The following PLS1 variants were observed in gnomAD, a reference collection of about 807,000 sequenced individuals.
PLS1 encodes the protein plastin-1.
A neutral mutation model predicts 73.7 loss-of-function variants in PLS1; 32 were observed. That is an observed-to-expected ratio of 0.43 (90% CI 0.33 to 0.58). The LOEUF (loss-of-function observed/expected upper bound fraction) is 0.58. Ranked by LOEUF, PLS1 falls within the 20% of genes least tolerant of loss-of-function variation. The pLI is 0.04. For synonymous variants in PLS1, 217 were observed against 261.3 expected (o/e 0.83, Z 1.63); for missense variants, 633 against 740.5 (o/e 0.85, Z 1.68).
chr3:142,652,244 A>G (rs931921613), intron 1 of PLS1, among the ~76,000 whole-genome samples: 3 of 152,200 alleles, frequency 2.0e-5, no homozygotes, highest in Non-Finnish European at 4.4e-5. Context: ...TATTCACCCA[A>G]TGTTGGATTT....
intron 1 of PLS1, among the ~76,000 whole-genome samples, chr3:142,653,084 T>C (rs1386324478): frequency 6.6e-6 from 1 of 152,218 alleles, no homozygotes; most frequent in African/African-American, 2.4e-5. Flanking sequence ...GTTTTTACAT[T>C]GTTATTCTGG....
chr3:142,682,109 G>A (rs573001224), intron 6 of PLS1, among the ~76,000 whole-genome samples: 3 of 152,238 alleles, frequency 2.0e-5, no homozygotes, highest in African/African-American at 4.8e-5. Flanking sequence ...TTGGAATTGT[G>A]GTTTAGGGCA....
At chr3:142,684,461 T>C in intron 8 of PLS1, 66 bp downstream of exon 8, 1 of 1,307,510 alleles carries the variant, frequency 7.6e-7, no homozygotes, top group Non-Finnish European at 1.1e-6. Flanking sequence ...ATAAAAGGGG[T>C]TCAGACTTAA....
intron 2 of PLS1, among the ~76,000 whole-genome samples, chr3:142,667,183 G>A (rs970028536): frequency 3.9e-5 from 6 of 152,186 alleles, no homozygotes; most frequent in Non-Finnish European, 2.9e-5. Context: ...TTGGGAGGCC[G>A]AGGCAGGCGG....
intron 12 of PLS1, among the ~76,000 whole-genome samples, chr3:142,702,592 G>A (rs1052731838): frequency 2.0e-5 from 3 of 152,028 alleles, no homozygotes; most frequent in African/African-American, 7.2e-5. Flanking sequence ...GTTCCTACTG[G>A]TGATATAAGA....
In PLS1 at chr3:142,677,787, T is replaced by G. The variant is rs2037753065; in HGVS notation, c.498-245T>G. Among the ~76,000 whole-genome samples, 3 of 152,180 alleles carry G rather than the reference T, an allele frequency of 2.0e-5. No individual in the cohort carries two copies. In the South Asian group the frequency reaches 6.2e-4, roughly 31 times the overall value. Reference sequence around the variant, plus strand: ...AGTTCCGGCATGAATTATAGTTTAATTAATTATTATTATTATTTTTTGAGA... The same window carrying G: ...AGTTCCGGCATGAATTATAGTTTAAGTAATTATTATTATTATTTTTTGAGA... On this transcript the variant is annotated intron_variant, in intron 5 of 15. Coordinates refer to ENST00000457734, the MANE Select transcript of PLS1 (RefSeq NM_001145319.2).
At chr3:142,682,998 C>T (rs1383524566) in intron 6 of PLS1, among the ~76,000 whole-genome samples, 4 of 152,130 alleles carry the variant, frequency 2.6e-5, no homozygotes, top group Non-Finnish European at 5.9e-5. Context: ...ATTCAAAATG[C>T]TAATTTTAAT....
chr3:142,686,687 C>T (rs976614149), intron 9 of PLS1, among the ~76,000 whole-genome samples: 1 of 152,220 alleles, frequency 6.6e-6, no homozygotes, highest in South Asian at 2.1e-4. Flanking sequence ...AAGCAGCATT[C>T]CCCAGTAGAG....
intron 1 of PLS1, among the ~76,000 whole-genome samples, chr3:142,658,737 CATTT>C (rs1056967374): frequency 1.3e-4 from 20 of 152,008 alleles, no homozygotes; most frequent in African/African-American, 4.6e-4. Flanking sequence ...AGATGTGATT[CATTT>C]GTTTTACTGA....
chr3:142,597,875 T>C (rs1291183240), intron 1 of PLS1, among the ~76,000 whole-genome samples: 1 of 152,220 alleles, frequency 6.6e-6, no homozygotes, highest in East Asian at 1.9e-4. Flanking sequence ...TAGTTGTTTC[T>C]CTTACTAAGC....
chr3:142,625,788 A>G (rs931588931), intron 1 of PLS1, among the ~76,000 whole-genome samples: 40 of 151,980 alleles, frequency 2.6e-4, no homozygotes, highest in African/African-American at 9.2e-4. Context: ...ATCCTGGGCA[A>G]CATGGCAAAA....
intron 1 of PLS1, among the ~76,000 whole-genome samples, chr3:142,637,642 T>G (rs1349115321): frequency 6.6e-6 from 1 of 152,154 alleles, no homozygotes; most frequent in South Asian, 2.1e-4. Context: ...GTGGATAGTT[T>G]TGTGTAAATT....
chr3:142,697,907 A>G (rs779677890), intron 11 of PLS1, 46 bp from the exon 12 acceptor site: 2 of 1,046,316 alleles, frequency 1.9e-6, no homozygotes, highest in Non-Finnish European at 3.0e-6. Context: ...ATTAGGTAAT[A>G]CCCAACATTT....
intron 1 of PLS1, among the ~76,000 whole-genome samples, chr3:142,634,989 T>C (rs1159202797): frequency 6.6e-6 from 1 of 151,854 alleles, no homozygotes; most frequent in Non-Finnish European, 1.5e-5. Context: ...GGTGCAATCA[T>C]GGCTCACTGT....
intron 1 of PLS1, among the ~76,000 whole-genome samples, chr3:142,618,572 T>C (rs779749482): frequency 3.9e-5 from 6 of 152,114 alleles, no homozygotes; most frequent in Non-Finnish European, 8.8e-5. Flanking sequence ...CAGAATTCGG[T>C]TTCTTTTGAT....
chr3:142,624,058 G>C (rs1324346235), intron 1 of PLS1, among the ~76,000 whole-genome samples: 2 of 152,036 alleles, frequency 1.3e-5, no homozygotes, highest in Admixed American at 6.6e-5. Flanking sequence ...GCAAAACTCT[G>C]CTTTTTTTCT....
At chr3:142,661,585 A>C (rs1270500889) in intron 1 of PLS1, among the ~76,000 whole-genome samples, 2 of 152,228 alleles carry the variant, frequency 1.3e-5, no homozygotes, top group African/African-American at 4.8e-5. Context: ...ATTTCAGTGA[A>C]TAAATTATTT....
intron 1 of PLS1, among the ~76,000 whole-genome samples, chr3:142,613,697 G>T (rs1451485005): frequency 6.6e-6 from 1 of 152,118 alleles, no homozygotes; most frequent in Non-Finnish European, 1.5e-5. Context: ...TAACACTGAG[G>T]TCATAGGATG....
chr3:142,670,271 T>C (rs1216399307), intron 3 of PLS1, among the ~76,000 whole-genome samples: 1 of 152,180 alleles, frequency 6.6e-6, no homozygotes, highest in Non-Finnish European at 1.5e-5. Flanking sequence ...AGAGTCCCTG[T>C]GGCTTTAGAG....
Sources: allele counts gnomAD v4.1 joint callset (sites outside exome capture counted in the v4.1 genomes callset), GRCh38; gene constraint gnomAD v4.1.1; transcripts MANE v1.5; gene names NCBI Gene and HGNC (gene_info 2026-07-23, HGNC 2026-07-21).